The following CARF variants were observed in gnomAD, a reference collection of about 807,000 sequenced individuals.
CARF encodes the protein calcium responsive transcription factor, also known as calcium-responsive transcription factor.
A neutral mutation model predicts 82.0 loss-of-function variants in CARF; 57 were observed. The ratio of observed to expected loss-of-function variants is 0.70; its 90% CI spans 0.56 to 0.87. The LOEUF (loss-of-function observed/expected upper bound fraction) is 0.87. Ranked by LOEUF, CARF falls within the 40% of genes least tolerant of loss-of-function variation. CARF has a pLI of 0.00. For synonymous variants in CARF, 268 were observed against 290.1 expected (o/e 0.92, Z 0.77); for missense variants, 771 against 855.8 (o/e 0.90, Z 1.24).
At chr2:202,929,664 C>G (rs1692508142) in intron 3 of CARF, among the ~76,000 whole-genome samples, 1 of 152,130 alleles carries the variant, frequency 6.6e-6, no homozygotes, top group East Asian at 1.9e-4. Context: ...TTTGGCTAGT[C>G]AAGGTCTTTT....
chr2:202,941,544 G>C (rs1036529810), intron 3 of CARF, among the ~76,000 whole-genome samples: 2 of 152,054 alleles, frequency 1.3e-5, no homozygotes, highest in Non-Finnish European at 2.9e-5. Context: ...CTGGTAATAT[G>C]AGAATTTTAG....
intron 5 of CARF, among the ~76,000 whole-genome samples, chr2:202,947,841 G>T (rs765194717): frequency 2.6e-5 from 4 of 152,152 alleles, no homozygotes; most frequent in Non-Finnish European, 5.9e-5. Context: ...TTGCTGTATA[G>T]AAGCTCTTAA....
rs1574421931 is a variant in CARF at position 202,912,862 on chromosome 2, G to A, written c.-570G>A. The A allele has an allele frequency of 6.6e-6, 1 of 152,046 alleles. No homozygotes were observed. Among genetic ancestry groups the A allele is most frequent in the East Asian group, 1.9e-4 (1 of 5,180 alleles). The allele number at this position is 152,046 out of a possible 1,614,324, so 9.4% of individuals were successfully genotyped here. On this transcript the variant is annotated 5_prime_UTR_variant, in exon 1 of 17. Coordinates refer to ENST00000438828, the MANE Select transcript of CARF (RefSeq NM_024744.17). The stretch of plus-strand genomic sequence containing the variant: ...CCCTTTTATACCTTACGTTTAGAAG[G>A]GGAAAATCATCCTCCCACACCTTCT...
At chr2:202,960,679 GGCCTTCCT>G (rs768086042) in intron 8 of CARF, among the ~76,000 whole-genome samples, 4 of 151,746 alleles carry the variant, frequency 2.6e-5, no homozygotes, top group Non-Finnish European at 4.4e-5. Flanking sequence ...ATTAATCTCA[GGCCTTCCT>G]GCCTTCCTGC....
chr2:202,929,538 A>G (rs1018605007), intron 3 of CARF, among the ~76,000 whole-genome samples: 1 of 151,876 alleles, frequency 6.6e-6, no homozygotes, highest in African/African-American at 2.4e-5. Flanking sequence ...ATTCTCTTCC[A>G]TTGGTGTGTC....
At position 202,964,879 on chromosome 2, in the gene CARF, A is replaced by ATG. The variant is rs1216574672; in HGVS notation, c.833-2095_833-2094dup. Among the ~76,000 whole-genome samples, 68 of 105,300 alleles carry ATG rather than the reference A, an allele frequency of 6.5e-4. 1 individual carries two copies. The highest frequency in any genetic ancestry group is 2.2e-3 in the East Asian group (10 of 4,490). 69.1% of individuals were successfully genotyped at this position (105,300 alleles called of 152,430 possible). A position where few individuals can be genotyped will look rare whatever the true frequency, so the allele number is the denominator to read the frequency against. The stretch of plus-strand genomic sequence containing the variant: ...ACTCCTTATATATATATATACATAT[A>ATG]TGTGTATATATATATATATATACAC... On this transcript the variant is annotated intron_variant, in intron 9 of 16. Transcript: ENST00000438828.
In CARF at chr2:202,986,871, T is replaced by TATAC. The variant is rs1553584431; in HGVS notation, c.*3250_*3251insCATA. The TATAC allele has an allele frequency of 1.7e-3, 71 of 41,460 alleles. 1 individual carries two copies. The highest frequency in any genetic ancestry group is 3.3e-3 in the Non-Finnish European group (62 of 18,990). The allele number at this position is 41,460 out of a possible 1,614,324, so 2.6% of individuals were successfully genotyped here. On this transcript the variant is annotated 3_prime_UTR_variant, in exon 17 of 17. Coordinates refer to ENST00000438828, the MANE Select transcript of CARF (RefSeq NM_024744.17). Reference sequence around the variant, plus strand: ...GAGGTTTAAAAAATGTCTGTGCGTATATATATATATATATATATATATATA... The same window carrying TATAC: ...GAGGTTTAAAAAATGTCTGTGCGTATATACATATATATATATATATATATATATA...
chr2:202,914,480 T>C lies in CARF; in HGVS notation c.-330+1378T>C, dbSNP rs547970539. Among the ~76,000 whole-genome samples the C allele has an allele frequency of 1.2e-4, 19 of 152,172 alleles. No homozygotes were observed. In the South Asian group the frequency reaches 3.7e-3, roughly 30 times the overall value. On this transcript the variant is annotated intron_variant, in intron 1 of 16. Transcript: ENST00000438828. Reference sequence around the variant, plus strand: ...ACAAGAAGATCTACCTCAGAGTCATTGTAAGGATTAAATAAATTTGTAAAG... The same window carrying C: ...ACAAGAAGATCTACCTCAGAGTCATCGTAAGGATTAAATAAATTTGTAAAG...
chr2:202,942,691 T>TA lies in CARF; in HGVS notation c.79-41dup, dbSNP rs534752945. On this transcript the variant is annotated intron_variant, in intron 4 of 16. Coordinates refer to ENST00000438828, the MANE Select transcript of CARF (RefSeq NM_024744.17). ...TTTTCATTTTTATTATACACATCTT[T>TA]AAAAAAAATGGTGATAGACTGAAGT... The TA allele has an allele frequency of 1.5e-4, 202 of 1,370,270 alleles. No individual in the cohort carries two copies. The African/African-American group carries it at 1.9e-3, about 13-fold the overall frequency. 84.9% of individuals were successfully genotyped at this position (1,370,270 alleles called of 1,614,324 possible).
chr2:202,943,938 G>A (rs1282231121), intron 5 of CARF, among the ~76,000 whole-genome samples: 3 of 152,032 alleles, frequency 2.0e-5, no homozygotes, highest in Admixed American at 2.0e-4. Flanking sequence ...GAGCCACCAC[G>A]CCCGGCCTAA....
At position 202,935,577 on chromosome 2, in the gene CARF, CCATGCCCAG is replaced by C. The variant is rs1693801955; in HGVS notation, c.-43-6281_-43-6273del. ...AAGCTGGGACTGCAGGCACACACCA[CCATGCCCAG>C]CTAATTTTTTTGATCTTTAGTAGAA... On this transcript the variant is annotated intron_variant, in intron 3 of 16. Transcript: ENST00000438828. Among the ~76,000 whole-genome samples the C allele has an allele frequency of 3.3e-5, 5 of 151,742 alleles. No individual in the cohort carries two copies. In the South Asian group the frequency reaches 1.0e-3, roughly 32 times the overall value.
At chr2:202,942,496 T>A in intron 4 of CARF, 2 of 746,666 alleles carry the variant, frequency 2.7e-6, no homozygotes, top group Non-Finnish European at 3.3e-6. Flanking sequence ...GAAAAATCTA[T>A]AGGTTGAATT....
chr2:202,942,355 CAGAG>C (rs1191526092), intron 4 of CARF, among the ~76,000 whole-genome samples: 2 of 145,272 alleles, frequency 1.4e-5, no homozygotes, highest in South Asian at 2.1e-4. Flanking sequence ...GCCTGGGCAA[CAGAG>C]AGAGACTCCG....
intron 5 of CARF, among the ~76,000 whole-genome samples, chr2:202,944,484 T>A (rs532558783): frequency 2.6e-5 from 4 of 152,204 alleles, no homozygotes; most frequent in Non-Finnish European, 5.9e-5. Context: ...ATCTAGAGCA[T>A]TCTAGAGTTA....
chr2:202,915,023 G>T (rs1288629298), intron 1 of CARF, among the ~76,000 whole-genome samples: 3 of 151,458 alleles, frequency 2.0e-5, no homozygotes, highest in Non-Finnish European at 2.9e-5. Context: ...TTTTGTTTTT[G>T]GTTTTTTGTT....
rs190422114 is a variant in CARF, at chr2:202,954,800, G to A, written c.557+666G>A. On this transcript the variant is annotated intron_variant, in intron 7 of 16. Coordinates refer to ENST00000438828, the MANE Select transcript of CARF (RefSeq NM_024744.17). ...CAAGGCAGGCGGATCACGAGGTCAG[G>A]AGATTGAGACCATCCTGGCTAACAC... 8.2e-3 allele frequency among the ~76,000 whole-genome samples: 1,249 copies of A among 151,528 alleles called. 4 individuals are homozygous for A. The highest frequency in any genetic ancestry group is 0.014 in the Non-Finnish European group (928 of 67,924).
chr2:202,956,242 T>A (rs1425869372), intron 8 of CARF, among the ~76,000 whole-genome samples: 1 of 152,044 alleles, frequency 6.6e-6, no homozygotes, highest in African/African-American at 2.4e-5. Context: ...TTTATTTATT[T>A]ATGTATTTAT....
chr2:202,927,055 G>T (rs1278869608), intron 3 of CARF, among the ~76,000 whole-genome samples: 1 of 152,092 alleles, frequency 6.6e-6, no homozygotes, highest in Non-Finnish European at 1.5e-5. Context: ...AGTTCAAGCA[G>T]TGTGCCCATC....
At chr2:202,927,882 C>G (rs1198228146) in intron 3 of CARF, among the ~76,000 whole-genome samples, 3 of 151,510 alleles carry the variant, frequency 2.0e-5, no homozygotes, top group Non-Finnish European at 4.4e-5. Context: ...CTCCCTGCAG[C>G]CTTGATCTCC....
Sources: allele counts gnomAD v4.1 joint callset (sites outside exome capture counted in the v4.1 genomes callset), GRCh38; gene constraint gnomAD v4.1.1; transcripts MANE v1.5; gene names NCBI Gene and HGNC (gene_info 2026-07-23, HGNC 2026-07-21).